PTPRD: variants seen among roughly 807,000 people sequenced by gnomAD.
PTPRD encodes protein tyrosine phosphatase receptor type D.
In PTPRD, 34 loss-of-function variants were observed where a neutral mutation model predicts 214.5. The observed-to-expected ratio is 0.16, with a 90% CI of 0.12 to 0.21. The LOEUF (loss-of-function observed/expected upper bound fraction) is 0.21, where lower values mean the gene tolerates loss of function less well. Among genes scored for constraint, PTPRD ranks in the 10% least tolerant of loss-of-function variants. The pLI is 1.00. For missense variants in PTPRD, 2,545 were observed against 2,398.7 expected, an observed-to-expected ratio of 1.06 and a Z score of -1.27; for synonymous variants, 1,128 against 845.7, an observed-to-expected ratio of 1.33 and a Z score of -5.79.
intron 3 of PTPRD, among the ~76,000 whole-genome samples, chr9:10,232,398 G>A (rs944606744): frequency 2.0e-5 from 3 of 151,938 alleles, no homozygotes; most frequent in African/African-American, 7.2e-5. Context: ...ATATCTGGAT[G>A]TTTCCCACTT....
chr9:10,053,499 G>C (rs550849736), intron 3 of PTPRD, among the ~76,000 whole-genome samples: 2 of 152,142 alleles, frequency 1.3e-5, no homozygotes, highest in East Asian at 3.9e-4. Context: ...AAAAGCTATG[G>C]ATCTTCTCAG....
chr9:9,161,799 G>A (rs1303941419), intron 10 of PTPRD, among the ~76,000 whole-genome samples: 1 of 151,814 alleles, frequency 6.6e-6, no homozygotes, highest in South Asian at 2.1e-4. Flanking sequence ...TCTCTAAATG[G>A]TAAACTATGT....
chr9:8,503,344 A>G (rs1312725897), intron 23 of PTPRD, among the ~76,000 whole-genome samples: 2 of 152,296 alleles, frequency 1.3e-5, no homozygotes, highest in South Asian at 4.1e-4. Flanking sequence ...TACTACAGAT[A>G]TCTATTGTAT....
intron 12 of PTPRD, among the ~76,000 whole-genome samples, chr9:8,702,735 G>C (rs1382573008): frequency 6.6e-6 from 1 of 152,062 alleles, no homozygotes; most frequent in African/African-American, 2.4e-5. Context: ...AGCCTCCCCA[G>C]TAGCTGGGAT....
At chr9:8,713,064 T>C (rs1445680117) in intron 12 of PTPRD, among the ~76,000 whole-genome samples, 1 of 152,138 alleles carries the variant, frequency 6.6e-6, no homozygotes, top group Non-Finnish European at 1.5e-5. Flanking sequence ...ATCTCAGAAA[T>C]CTAGGTATGT....
rs767809647 is a variant in PTPRD, at chr9:8,471,128, A to T, written c.3414-43T>A. ...GATAAAAGTTAGGTTAGTTGAAAGGAGGAAAACGTGGATATACCCTTAAAC... is the reference window on the plus strand; with the variant it reads ...GATAAAAGTTAGGTTAGTTGAAAGGTGGAAAACGTGGATATACCCTTAAAC... On this transcript the variant is annotated intron_variant, in intron 30 of 45. Coordinates refer to ENST00000381196, the MANE Select transcript of PTPRD (RefSeq NM_002839.4). The T allele has an allele frequency of 6.5e-6, 10 of 1,547,128 alleles. No homozygotes were observed. In the Admixed American group the frequency reaches 1.7e-4, roughly 26 times the overall value.
intron 3 of PTPRD, among the ~76,000 whole-genome samples, chr9:10,214,975 G>A (rs2099534669): frequency 6.6e-6 from 1 of 152,032 alleles, no homozygotes; most frequent in South Asian, 2.1e-4. Context: ...AAATGGACAA[G>A]TGCTGAATGA....
chr9:8,488,114 T>C (rs955999002), intron 27 of PTPRD, among the ~76,000 whole-genome samples: 1 of 152,024 alleles, frequency 6.6e-6, no homozygotes, highest in African/African-American at 2.4e-5. Flanking sequence ...AATCATACCA[T>C]GGGGATATAG....
At chr9:9,117,926 G>T (rs566471226) in intron 10 of PTPRD, among the ~76,000 whole-genome samples, 178 of 152,166 alleles carry the variant, frequency 1.2e-3, no homozygotes, top group African/African-American at 4.2e-3. Flanking sequence ...GGCATCTGAA[G>T]TTTACACGAT....
At position 8,733,763 on chromosome 9, in the gene PTPRD, A is replaced by AG; in HGVS notation, c.64+16dup. 1.3e-6 allele frequency: 2 copies of AG among 1,551,782 alleles called. No homozygotes were observed. The highest frequency in any genetic ancestry group is 1.7e-6 in the Non-Finnish European group (2 of 1,146,922). On this transcript the variant is annotated intron_variant, in intron 12 of 45. Transcript: ENST00000381196. Reference sequence around the variant, plus strand: ...CATTATGGTCACAGCCCCCTAGAGAAGGGGAGAATGGCTTACTCTCAGCAT... The same window carrying AG: ...CATTATGGTCACAGCCCCCTAGAGAAGGGGGAGAATGGCTTACTCTCAGCAT...
chr9:9,660,283 T>C (rs907031275), intron 7 of PTPRD, among the ~76,000 whole-genome samples: 1 of 151,938 alleles, frequency 6.6e-6, no homozygotes, highest in Non-Finnish European at 1.5e-5. Context: ...ATGGCTTGAT[T>C]TACACATTAA....
intron 2 of PTPRD, among the ~76,000 whole-genome samples, chr9:10,446,367 T>C (rs1378283761): frequency 1.3e-5 from 2 of 151,544 alleles, no homozygotes; most frequent in African/African-American, 2.4e-5. Flanking sequence ...ATAAGAACTA[T>C]TGAAGAGTAG....
chr9:9,840,399 T>G (rs1189415572), intron 5 of PTPRD, among the ~76,000 whole-genome samples: 1 of 152,110 alleles, frequency 6.6e-6, no homozygotes, highest in Non-Finnish European at 1.5e-5. Context: ...TTTCCAGTTG[T>G]TGAAACATTA....
At chr9:8,432,840 C>T (rs1461533433) in intron 35 of PTPRD, among the ~76,000 whole-genome samples, 1 of 152,176 alleles carries the variant, frequency 6.6e-6, no homozygotes, top group African/African-American at 2.4e-5. Flanking sequence ...GGATCATCAT[C>T]ATGAACATCA....
At chr9:10,198,549 T>G (rs1043946037) in intron 3 of PTPRD, among the ~76,000 whole-genome samples, 1 of 152,074 alleles carries the variant, frequency 6.6e-6, no homozygotes, top group Non-Finnish European at 1.5e-5. Context: ...TGGGCATAAT[T>G]GGAAAAAATG....
At chr9:10,387,924 G>C (rs1428814308) in intron 2 of PTPRD, among the ~76,000 whole-genome samples, 3 of 134,018 alleles carry the variant, frequency 2.2e-5, no homozygotes, top group Non-Finnish European at 4.6e-5. Context: ...GCCTCCCAAA[G>C]TGCTGGAATT....
intron 9 of PTPRD, among the ~76,000 whole-genome samples, chr9:9,254,212 A>T (rs1594631727): frequency 6.6e-6 from 1 of 152,062 alleles, no homozygotes; most frequent in South Asian, 2.1e-4. Context: ...GGGGCGGGGC[A>T]CCATTCAGCC....
intron 2 of PTPRD, among the ~76,000 whole-genome samples, chr9:10,349,981 T>G (rs1449833558): frequency 6.6e-6 from 1 of 152,208 alleles, no homozygotes; most frequent in African/African-American, 2.4e-5. Flanking sequence ...TTGTTTTAAA[T>G]AATTGAAAGA....
At chr9:9,391,848 T>C (rs1170366490) in intron 9 of PTPRD, among the ~76,000 whole-genome samples, 1 of 152,182 alleles carries the variant, frequency 6.6e-6, no homozygotes, top group East Asian at 1.9e-4. Flanking sequence ...ACACCGTTTG[T>C]TCCTTTCTGC....
Sources: gnomAD v4.1 joint callset for allele counts (sites outside exome capture counted in the v4.1 genomes callset) on GRCh38, gnomAD v4.1.1 for gene constraint, MANE v1.5 for transcripts, NCBI Gene and HGNC (gene_info 2026-07-23, HGNC 2026-07-21) for gene names.